ABCA10: variants seen among roughly 807,000 people sequenced by gnomAD.
The protein encoded by ABCA10 is ATP-binding cassette sub-family A member 10.
ABCA10 carries 169 observed loss-of-function variants against 187.5 expected under a neutral mutation model. The ratio of observed to expected loss-of-function variants is 0.90; its 90% CI spans 0.80 to 1.02. ABCA10 has a LOEUF of 1.02. Ranked by LOEUF, ABCA10 falls within the 50% of genes least tolerant of loss-of-function variation. The probability of loss-of-function intolerance (pLI) is 0.00; values close to 1 mark genes in which losing one functional copy is unlikely to be tolerated. For synonymous variants in ABCA10, 574 were observed against 601.8 expected, an observed-to-expected ratio of 0.95 and a Z score of 0.68; for missense variants, 1,727 against 1,812.4, an observed-to-expected ratio of 0.95 and a Z score of 0.86.
intron 25 of ABCA10, among the ~76,000 whole-genome samples, chr17:69,173,360 T>C (rs1476186795): frequency 6.6e-6 from 1 of 152,126 alleles, no homozygotes; most frequent in South Asian, 2.1e-4. Flanking sequence ...ATATTCCTGC[T>C]TATACTAAAT....
At position 69,175,433 on chromosome 17, in the gene ABCA10, G is replaced by A. The variant is rs773797841; in HGVS notation, c.2850C>T (p.Ile950=). The A allele has an allele frequency of 2.9e-5, 47 of 1,611,394 alleles. No homozygotes were observed. The highest frequency in any genetic ancestry group is 5.0e-5 in the Admixed American group (3 of 59,800). ...TATAATCGCTGATGCTGCTCATGCC[G>A]ATAAAAGGAGAAACGCAGTTTGTGA... The part of the protein sequence containing the change: ...LLITNCVSPF[I]GMSSISDYKK... The change falls in exon 23 of 39, where the codon ATC becomes ATT. Residue 950 remains isoleucine (I), a synonymous_variant. Transcript: ENST00000690296.
Position 69,164,899 on chromosome 17 carries a change from G to A in ABCA10, c.3282+65C>T, listed in dbSNP as rs557712567. ...TTATAAATGCACCTGTTCCGACAAT[G>A]GGTAAGGATTTTATTAATGGGCTAC... On this transcript the variant is annotated intron_variant, in intron 26 of 38. Coordinates refer to ENST00000690296, the MANE Select transcript of ABCA10 (RefSeq NM_001377321.1). The A allele has an allele frequency of 7.2e-5, 110 of 1,525,260 alleles. 1 individual carries two copies. In the South Asian group the frequency reaches 1.4e-3, roughly 19 times the overall value. 94.5% of individuals were successfully genotyped at this position (1,525,260 alleles called of 1,614,324 possible).
At chr17:69,187,509 T>C (rs2074430990) in intron 19 of ABCA10, among the ~76,000 whole-genome samples, 172 bp downstream of exon 19, 1 of 152,164 alleles carries the variant, frequency 6.6e-6, no homozygotes, top group African/African-American at 2.4e-5. Flanking sequence ...AGTGTCACAG[T>C]ATTGGCTTCT....
chr17:69,215,293 T>A (rs1399312122), intron 8 of ABCA10, among the ~76,000 whole-genome samples: 1 of 152,226 alleles, frequency 6.6e-6, no homozygotes, highest in East Asian at 1.9e-4. Context: ...AAGATAATAA[T>A]GATAACAGTT....
intron 9 of ABCA10, among the ~76,000 whole-genome samples, chr17:69,213,997 G>A (rs964808456): frequency 6.6e-6 from 1 of 152,126 alleles, no homozygotes; most frequent in Non-Finnish European, 1.5e-5. Context: ...AGATTCGGAA[G>A]AACAACTATA....
intron 5 of ABCA10, 81 bp downstream of exon 5, chr17:69,221,711 A>C: frequency 3.2e-6 from 4 of 1,250,058 alleles, no homozygotes; most frequent in Non-Finnish European, 4.4e-6. Flanking sequence ...AGAGTGTAAG[A>C]GTAAGGTAGG....
intron 1 of ABCA10, among the ~76,000 whole-genome samples, chr17:69,241,300 TCTTATTCAC>T (rs1224639972): frequency 6.6e-6 from 1 of 152,196 alleles, no homozygotes; most frequent in Non-Finnish European, 1.5e-5. Flanking sequence ...TTAGACCACT[TCTTATTCAC>T]CTTCCTGATT....
Position 69,175,448 on chromosome 17 carries a change from G to A in ABCA10, c.2835C>T (p.Cys945=), listed in dbSNP as rs771386672. 1.3e-5 allele frequency: 21 copies of A among 1,611,842 alleles called. No individual in the cohort carries two copies. The highest frequency in any genetic ancestry group is 3.3e-5 in the Admixed American group (2 of 59,840). ...TGCTCATGCCGATAAAAGGAGAAAC[G>A]CAGTTTGTGATCAACAACAAAAATA... ...GSIFLLLITN[C]VSPFIGMSSI... The change falls in exon 23 of 39, where the codon TGC becomes TGT. Residue 945 remains cysteine (C), a synonymous_variant. Transcript: ENST00000690296.
Position 69,215,863 on chromosome 17 carries a change from C to T in ABCA10, c.810G>A (p.Trp270Ter). ...CAAAAGGGCTAAGAAGACTTAATACCCATCCCAAAGATAAAGGAAGTTGTC... is the reference window on the plus strand; with the variant it reads ...CAAAAGGGCTAAGAAGACTTAATACTCATCCCAAAGATAAAGGAAGTTGTC... Reference protein sequence around the residue: ...LYRQLPLSLGWVLSLLSPFAF... With the variant: ...LYRQLPLSLG The change falls in exon 8 of 39, where the codon TGG becomes TGA. Residue 270 changes from tryptophan (W) to a stop codon, truncating the protein, a stop_gained. Coordinates refer to ENST00000690296, the MANE Select transcript of ABCA10 (RefSeq NM_001377321.1). LOFTEE classifies it high-confidence loss of function. 4 of 1,613,232 alleles carry T rather than the reference C, an allele frequency of 2.5e-6. No homozygotes were observed. Among genetic ancestry groups the T allele is most frequent in the East Asian group, 2.2e-5 (1 of 44,850 alleles).
chr17:69,235,838 T>G (rs766807226), intron 1 of ABCA10, among the ~76,000 whole-genome samples: 1 of 152,178 alleles, frequency 6.6e-6, no homozygotes, highest in Non-Finnish European at 1.5e-5. Flanking sequence ...TGCAATACTT[T>G]TAAATAATCT....
At chr17:69,234,724 A>G (rs575343520) in intron 1 of ABCA10, 1 of 152,268 alleles carries the variant, frequency 6.6e-6, no homozygotes, top group East Asian at 1.9e-4. Flanking sequence ...CTCCCCAGTT[A>G]ATTTTGATGC....
chr17:69,157,045 C>A (rs1598086609), intron 27 of ABCA10, 122 bp from the exon 28 acceptor site: 3 of 596,248 alleles, frequency 5.0e-6, no homozygotes, highest in Non-Finnish European at 2.7e-6. Context: ...TGATCATTTT[C>A]TTTTAAATTT....
chr17:69,175,559 T>G (rs1319667567), intron 22 of ABCA10, 46 bp from the exon 23 acceptor site: 10 of 1,420,372 alleles, frequency 7.0e-6, no homozygotes, highest in Non-Finnish European at 9.7e-6. Flanking sequence ...TTGTTACAAA[T>G]TATACAAACA....
At chr17:69,179,036 T>G (rs2074357666) in intron 22 of ABCA10, 2 of 152,126 alleles carry the variant, frequency 1.3e-5, no homozygotes, top group Admixed American at 1.3e-4. Context: ...TATGTATCTA[T>G]GCATCATCTC....
intron 20 of ABCA10, 78 bp downstream of exon 20, chr17:69,185,399 C>A (rs11658738): frequency 0.63 from 873,793 of 1,385,460 alleles, 281,655 homozygotes; most frequent in Non-Finnish European, 0.67. Flanking sequence ...TTTTTGTTTT[C>A]AATTGTCTCT....
intron 37 of ABCA10, 88 bp from the exon 38 acceptor site, chr17:69,149,176 T>A: frequency 1.4e-6 from 2 of 1,441,058 alleles, no homozygotes; most frequent in Admixed American, 3.4e-5. Flanking sequence ...AGCTTCAAAT[T>A]GTTTAGATAC....
At position 69,215,568 on chromosome 17, in the gene ABCA10, T is replaced by C. The variant is rs113604482; in HGVS notation, c.858+247A>G. The C allele has an allele frequency of 1.3e-3, 426 of 329,194 alleles. 3 individuals are homozygous for C. Among genetic ancestry groups the C allele is most frequent in the African/African-American group, 7.9e-3 (364 of 46,346 alleles). The allele number at this position is 329,194 out of a possible 1,614,324, so 20.4% of individuals were successfully genotyped here. A position where few individuals can be genotyped will look rare whatever the true frequency, so the allele number is the denominator to read the frequency against. On this transcript the variant is annotated intron_variant, in intron 8 of 38. Transcript: ENST00000690296. ...TTTAAAGGGGGACACAAACCAGATA[T>C]TTCTCAGTGGTCAGATAATGGGCAA...
In ABCA10 at chr17:69,193,543, C is replaced by T. The variant is rs2074477223; in HGVS notation, c.1591G>A (p.Gly531Arg). Residue 531 changes from glycine (G) to arginine (R), a missense_variant, in exon 14 of 39, where the codon GGG becomes AGG. Coordinates refer to ENST00000690296, the MANE Select transcript of ABCA10 (RefSeq NM_001377321.1). ...CCTAGTGTTAGTTTTCTCTTCTGCC[C>T]ACCACTTAATTTTTTAGCAATAATG... ...QDIIAKKLSG[G>R]QKRKLTLGIA... is the part of the protein sequence containing the mutation. 1 of 1,613,404 alleles carries T rather than the reference C, an allele frequency of 6.2e-7. No individual in the cohort carries two copies. The highest frequency in any genetic ancestry group is 1.3e-5 in the African/African-American group (1 of 74,888).
intron 30 of ABCA10, 97 bp downstream of exon 30, chr17:69,154,917 TATATG>T: frequency 1.4e-6 from 1 of 740,300 alleles, no homozygotes; most frequent in African/African-American, 1.8e-5. Flanking sequence ...TTAACCAGGA[TATATG>T]AACAGTCTCA....
Sources: allele counts gnomAD v4.1 joint callset (sites outside exome capture counted in the v4.1 genomes callset), GRCh38; gene constraint gnomAD v4.1.1; transcripts MANE v1.5; gene names NCBI Gene and HGNC (gene_info 2026-07-23, HGNC 2026-07-21).